SRL: variants seen among roughly 807,000 people sequenced by gnomAD.
SRL encodes the protein sarcalumenin.
A neutral mutation model predicts 39.5 loss-of-function variants in SRL; 23 were observed. The ratio of observed to expected loss-of-function variants is 0.58; its 90% CI spans 0.42 to 0.82. The LOEUF (loss-of-function observed/expected upper bound fraction) is 0.82. Among genes scored for constraint, SRL ranks in the 40% least tolerant of loss-of-function variants. SRL has a pLI of 0.00. For synonymous variants in SRL, 272 were observed against 237.4 expected (o/e 1.15, Z -1.34); for missense variants, 592 against 607.8 (o/e 0.97, Z 0.27).
intron 1 of SRL, among the ~76,000 whole-genome samples, chr16:4,240,555 A>C (rs931201514): frequency 5.9e-5 from 9 of 152,104 alleles, no homozygotes; most frequent in Non-Finnish European, 1.0e-4. Context: ...CCAGGAAGGA[A>C]AGACAGCAGA....
intron 1 of SRL, among the ~76,000 whole-genome samples, chr16:4,234,745 C>T (rs900848994): frequency 6.6e-5 from 10 of 152,198 alleles, no homozygotes; most frequent in African/African-American, 2.4e-4. Context: ...GCTTAGCAGC[C>T]GTGCTCGCCA....
chr16:4,220,162 C>A (rs1359789281), intron 1 of SRL, among the ~76,000 whole-genome samples: 2 of 152,070 alleles, frequency 1.3e-5, no homozygotes, highest in Non-Finnish European at 2.9e-5. Flanking sequence ...AATCTCACGT[C>A]TAGGCCAGGT....
chr16:4,216,696 T>C (rs530214877), intron 1 of SRL, among the ~76,000 whole-genome samples: 1 of 152,340 alleles, frequency 6.6e-6, no homozygotes, highest in East Asian at 1.9e-4. Flanking sequence ...AGATCAGCCG[T>C]GCCTGCAGTG....
At chr16:4,205,276 T>C (rs1342545587) in intron 1 of SRL, among the ~76,000 whole-genome samples, 1 of 152,102 alleles carries the variant, frequency 6.6e-6, no homozygotes, top group Non-Finnish European at 1.5e-5. Flanking sequence ...ACCACCCCAC[T>C]GCACTCCAGC....
chr16:4,193,073 C>A, intron 5 of SRL, 109 bp from the exon 6 acceptor site: 1 of 967,848 alleles, frequency 1.0e-6, no homozygotes. Context: ...AACAGCGCTA[C>A]GGATTTTCTG....
rs1216104082 is a variant in SRL at position 4,192,457 on chromosome 16, T to C, written c.1118A>G (p.Glu373Gly). Residue 373 changes from glutamate (E) to glycine (G), a missense_variant, in exon 6 of 6, where the codon GAA becomes GGA. Coordinates refer to ENST00000399609, the MANE Select transcript of SRL (RefSeq NM_001098814.2). The surrounding 1 kb of genome is among the most constrained non-coding windows in gnomAD (Gnocchi z 4.0). The part of the protein sequence containing the change: ...DGELVFKDIV[E>G]DPDKFYIFKT... ...GAAGATGTAGAATTTATCGGGATCT[T>C]CCACAATGTCCTTAAAGACCAGTTC... 6.2e-7 allele frequency: 1 copy of C among 1,614,210 alleles called. No individual in the cohort carries two copies. Among genetic ancestry groups the C allele is most frequent in the South Asian group, 1.1e-5 (1 of 91,080 alleles).
chr16:4,220,130 CCCTAAGGGGAACCAT>C (rs2052505477), intron 1 of SRL, among the ~76,000 whole-genome samples: 1 of 152,080 alleles, frequency 6.6e-6, no homozygotes, highest in Admixed American at 6.5e-5. Flanking sequence ...CACCCAGCCA[CCCTAAGGGGAACCAT>C]CCTAGAAATC....
At chr16:4,195,916 T>G (rs1489620865) in intron 4 of SRL, 130 bp from the exon 5 acceptor site, 2 of 717,512 alleles carry the variant, frequency 2.8e-6, no homozygotes, top group African/African-American at 3.6e-5. Flanking sequence ...GCCAAGCTAT[T>G]GGGGCTTTCT....
intron 5 of SRL, among the ~76,000 whole-genome samples, chr16:4,194,750 C>A (rs184383123): frequency 5.3e-5 from 8 of 152,246 alleles, no homozygotes; most frequent in Admixed American, 3.9e-4. Context: ...GAGGTAGGAG[C>A]ACCAGGCACT....
At chr16:4,202,492 C>T (rs977838872) in intron 3 of SRL, among the ~76,000 whole-genome samples, 1 of 151,572 alleles carries the variant, frequency 6.6e-6, no homozygotes, top group Admixed American at 6.6e-5. Flanking sequence ...ATTCGGGAGG[C>T]TGAGGCAGAA....
At chr16:4,193,409 A>G (rs753205394) in intron 5 of SRL, among the ~76,000 whole-genome samples, 1 of 152,220 alleles carries the variant, frequency 6.6e-6, no homozygotes, top group African/African-American at 2.4e-5. Flanking sequence ...AGATTGTCCT[A>G]TTGTCTAAAA....
chr16:4,230,581 G>A (rs1449362353), intron 1 of SRL, among the ~76,000 whole-genome samples: 2 of 151,594 alleles, frequency 1.3e-5, no homozygotes, highest in African/African-American at 2.4e-5. Context: ...TAGAGACGGG[G>A]TTTCACCATG....
Position 4,190,271 on chromosome 16 carries a change from A to G in SRL, c.*1882T>C. Reference sequence around the variant, plus strand: ...ACCTAACCTGACTGCCAACTGGCTTACCCTGCCTGACCTCAGAGTGCCTCT... The same window carrying G: ...ACCTAACCTGACTGCCAACTGGCTTGCCCTGCCTGACCTCAGAGTGCCTCT... On this transcript the variant is annotated 3_prime_UTR_variant, in exon 6 of 6. Transcript: ENST00000399609. 1 of 398,956 alleles carries G rather than the reference A, an allele frequency of 2.5e-6. No individual in the cohort carries two copies. The highest frequency in any genetic ancestry group is 4.4e-6 in the Non-Finnish European group (1 of 226,370). 24.7% of individuals were successfully genotyped at this position (398,956 alleles called of 1,614,324 possible).
intron 1 of SRL, among the ~76,000 whole-genome samples, chr16:4,234,153 C>T (rs569051036): frequency 6.6e-6 from 1 of 152,140 alleles, no homozygotes; most frequent in Non-Finnish European, 1.5e-5. Context: ...CCACTACATC[C>T]AGCTATTTTT....
At chr16:4,231,581 C>CT (rs1455667862) in intron 1 of SRL, among the ~76,000 whole-genome samples, 1 of 152,164 alleles carries the variant, frequency 6.6e-6, no homozygotes, top group Non-Finnish European at 1.5e-5. Flanking sequence ...TCTCTGCACT[C>CT]TCAGGCTGCT....
At position 4,192,157 on chromosome 16, in the gene SRL, T is replaced by A. The variant is rs2052074117; in HGVS notation, c.1418A>T (p.His473Leu). The A allele has an allele frequency of 6.5e-7, 1 of 1,547,062 alleles. No homozygotes were observed. Among genetic ancestry groups the A allele is most frequent in the South Asian group, 1.3e-5 (1 of 77,426 alleles). Reference sequence around the variant, plus strand: ...ACCCAAGGACCGCTCCACCACCTAGTGCTTCCTGTAGCGATTTTTTGGTGT... The same window carrying A: ...ACCCAAGGACCGCTCCACCACCTAGAGCTTCCTGTAGCGATTTTTTGGTGT... Reference protein sequence around the residue: ...SETPKNRYRKH With the variant: ...SETPKNRYRKL Residue 473 changes from histidine to leucine, a missense_variant, in exon 6 of 6, where the codon CAC becomes CTC. Transcript: ENST00000399609. This position sits in a 1 kb window ranked among gnomAD's most constrained non-coding sequence, Gnocchi z 4.0.
chr16:4,227,060 A>ATGGGTGGG (rs1567188235), intron 1 of SRL, among the ~76,000 whole-genome samples: 3 of 149,514 alleles, frequency 2.0e-5, no homozygotes, highest in Non-Finnish European at 4.4e-5. Flanking sequence ...GAATGGATGG[A>ATGGGTGGG]TGGATGGATG....
chr16:4,208,263 G>A (rs962420481), intron 1 of SRL, among the ~76,000 whole-genome samples: 7 of 152,144 alleles, frequency 4.6e-5, no homozygotes, highest in Admixed American at 2.0e-4. Flanking sequence ...TACCTCGTGC[G>A]TAGCGAGCAG....
At chr16:4,208,063 T>C (rs765133881) in intron 1 of SRL, 47 of 455,904 alleles carry the variant, frequency 1.0e-4, no homozygotes, top group Middle Eastern at 3.2e-4. Context: ...TCCAACAAAT[T>C]GCCAACATCT....
Sources: gnomAD v4.1 joint callset for allele counts (sites outside exome capture counted in the v4.1 genomes callset) on GRCh38, gnomAD v4.1.1 for gene constraint, Gnocchi (gnomAD v3.1) non-coding constraint, MANE v1.5 for transcripts, NCBI Gene and HGNC (gene_info 2026-07-23, HGNC 2026-07-21) for gene names.